Variants in RSF1 observed in about 807,000 individuals in gnomAD.
The protein encoded by RSF1 is remodeling and spacing factor 1.
A neutral mutation model predicts 145.2 loss-of-function variants in RSF1; 13 were observed. The ratio of observed to expected loss-of-function variants is 0.09; its 90% confidence interval spans 0.06 to 0.14. RSF1 has a LOEUF of 0.14. Ranked by LOEUF, RSF1 falls within the 10% of genes least tolerant of loss-of-function variation. The probability of loss-of-function intolerance (pLI) is 1.00; values close to 1 mark genes in which losing one functional copy is unlikely to be tolerated. For synonymous variants in RSF1, 577 were observed against 592.6 expected (o/e 0.97, Z 0.38); for missense variants, 1,517 against 1,718.2 (o/e 0.88, Z 2.07).
At position 77,662,844 on chromosome 11, in the gene RSF1, T is replaced by A. The variant is rs1959261952; in HGVS notation, c.*4073A>T. ...TTGGCATTCTCTGCTTCTTCGAGAA[T>A]GAGGAATATATTTTGAGAATGTCAA... On this transcript the variant is annotated 3_prime_UTR_variant, in exon 16 of 16. Transcript: ENST00000308488. 6.6e-6 allele frequency: 1 copy of A among 152,186 alleles called. No homozygotes were observed. The highest frequency in any genetic ancestry group is 6.6e-5 in the Admixed American group (1 of 15,266). The allele number at this position is 152,186 out of a possible 1,614,324, so 9.4% of individuals were successfully genotyped here.
chr11:77,699,780 C>T (rs1313935448), intron 6 of RSF1, among the ~76,000 whole-genome samples: 1 of 152,212 alleles, frequency 6.6e-6, no homozygotes, highest in Non-Finnish European at 1.5e-5. Flanking sequence ...GAAATACTCA[C>T]TCATGTCCAA....
chr11:77,707,440 G>T (rs1474266948), intron 5 of RSF1, among the ~76,000 whole-genome samples: 1 of 152,130 alleles, frequency 6.6e-6, no homozygotes, highest in African/African-American at 2.4e-5. Flanking sequence ...AGATGCTAAG[G>T]TATACTGCAT....
At chr11:77,756,845 G>A (rs1948121103) in intron 2 of RSF1, among the ~76,000 whole-genome samples, 1 of 152,166 alleles carries the variant, frequency 6.6e-6, no homozygotes, top group African/African-American at 2.4e-5. Flanking sequence ...TTTAAATATT[G>A]GAAGGGCAAA....
At chr11:77,863,760 C>T in the RSF1 span, among the ~76,000 whole-genome samples, 1 of 152,070 alleles carries the variant, frequency 6.6e-6, no homozygotes, top group Non-Finnish European at 1.5e-5. Flanking sequence ...AGCGACCCTC[C>T]TGCCTCAGCC....
chr11:77,724,700 G>A (rs1355737539), intron 5 of RSF1, among the ~76,000 whole-genome samples: 1 of 152,124 alleles, frequency 6.6e-6, no homozygotes, highest in Non-Finnish European at 1.5e-5. Context: ...TCATCAAGCA[G>A]TAGATTCTCA....
intron 15 of RSF1, among the ~76,000 whole-genome samples, chr11:77,667,735 G>A (rs1185972987): frequency 6.6e-6 from 1 of 151,852 alleles, no homozygotes; most frequent in Non-Finnish European, 1.5e-5. Context: ...ACAGAGTCTC[G>A]CACTGTTGCC....
At chr11:77,854,367 G>A in the RSF1 span, among the ~76,000 whole-genome samples, 2 of 152,198 alleles carry the variant, frequency 1.3e-5, no homozygotes, top group African/African-American at 4.8e-5. Flanking sequence ...TACAAGGCAA[G>A]TCTCTTCTGC....
At chr11:77,732,032 T>C (rs956845637) in intron 4 of RSF1, among the ~76,000 whole-genome samples, 1 of 152,192 alleles carries the variant, frequency 6.6e-6, no homozygotes, top group East Asian at 1.9e-4. Context: ...GCTTGCACCG[T>C]GTGCTTGGAA....
rs762997932 is a variant in RSF1, at chr11:77,701,432, G to A, written c.1797C>T (p.Asp599=). ...EKSKKTFLDK[D]AQRLSPIPEE... ...CTGGTATTGGACTCAATCTTTGTGC[G>A]TCCTTATCAAGAAAAGTCTTTTTGG... is the stretch of plus-strand genomic sequence containing the variant. The change falls in exon 6 of 16, where the codon GAC becomes GAT. Residue 599 remains aspartate, a synonymous_variant. Transcript: ENST00000308488. The A allele has an allele frequency of 2.4e-5, 39 of 1,613,946 alleles. No homozygotes were observed. The highest frequency in any genetic ancestry group is 1.6e-4 in the Middle Eastern group (1 of 6,084).
At chr11:77,736,183 G>GA (rs1565164580) in intron 4 of RSF1, among the ~76,000 whole-genome samples, 2 of 152,150 alleles carry the variant, frequency 1.3e-5, no homozygotes, top group African/African-American at 4.8e-5. Flanking sequence ...AATGTAAAAG[G>GA]AAAAACAAAC....
intron 1 of RSF1, among the ~76,000 whole-genome samples, chr11:77,769,980 A>G (rs1948265789): frequency 6.6e-6 from 1 of 151,942 alleles, no homozygotes; most frequent in Non-Finnish European, 1.5e-5. Context: ...GTTTTTAGAA[A>G]CTCTCTTGGG....
chr11:77,820,438 G>T, intron 1 of RSF1, 90 bp downstream of exon 1: 1 of 1,353,696 alleles, frequency 7.4e-7, no homozygotes, highest in Non-Finnish European at 9.9e-7. Flanking sequence ...GCGGAGGCCC[G>T]AGCCGCGAAG....
the RSF1 span, among the ~76,000 whole-genome samples, chr11:77,834,132 C>CAT: frequency 6.6e-6 from 1 of 152,136 alleles, no homozygotes; most frequent in Non-Finnish European, 1.5e-5. Flanking sequence ...CATGCAGATT[C>CAT]ATATATACTC....
intron 2 of RSF1, 34 bp from the exon 3 acceptor site, chr11:77,747,162 A>C: frequency 7.6e-7 from 1 of 1,314,114 alleles, no homozygotes; most frequent in Non-Finnish European, 1.1e-6. Context: ...AATACATGAA[A>C]GCAATTTTTA....
In RSF1 at chr11:77,693,531, T is replaced by C. The variant is rs747807106; in HGVS notation, c.2796A>G (p.Glu932=). ...CATGTTGGCAAGGTGGGCAGAACCA[T>C]TCTCCATCTGGGATGATCATCAGAG... is the stretch of plus-strand genomic sequence containing the variant. ...RPPLMIIPDG[E]WFCPPCQHKL... The change falls in exon 8 of 16, where the codon GAA becomes GAG. Residue 932 remains glutamate (E), a synonymous_variant. Coordinates refer to ENST00000308488, the MANE Select transcript of RSF1 (RefSeq NM_016578.4). The C allele has an allele frequency of 2.0e-5, 32 of 1,613,570 alleles. No homozygotes were observed. Among genetic ancestry groups the C allele is most frequent in the Non-Finnish European group, 2.6e-5 (31 of 1,179,670 alleles).
At chr11:77,857,855 C>T in the RSF1 span, among the ~76,000 whole-genome samples, 2 of 152,010 alleles carry the variant, frequency 1.3e-5, no homozygotes, top group Non-Finnish European at 2.9e-5. Context: ...CACCACCATG[C>T]CCTGCTAATT....
At chr11:77,714,894 T>TGGGAGGATTCCTTGAGGCC (rs1960770549) in intron 5 of RSF1, among the ~76,000 whole-genome samples, 1 of 151,696 alleles carries the variant, frequency 6.6e-6, no homozygotes, top group Non-Finnish European at 1.5e-5. Flanking sequence ...AAGGTTGAGG[T>TGGGAGGATTCCTTGAGGCC]GGGAGGATTC....
intron 15 of RSF1, among the ~76,000 whole-genome samples, chr11:77,667,955 G>A (rs998212491): frequency 6.6e-6 from 1 of 151,350 alleles, no homozygotes; most frequent in African/African-American, 2.4e-5. Context: ...CATCTGCCTT[G>A]GCCTCCCAAA....
At chr11:77,788,158 A>AAAAAAAAAAAAAAAAAAAAAAAAAG (rs1948477904) in intron 1 of RSF1, among the ~76,000 whole-genome samples, 1 of 132,680 alleles carries the variant, frequency 7.5e-6, no homozygotes, top group Non-Finnish European at 1.6e-5. Flanking sequence ...AAAAAAAAAA[A>AAAAAAAAAAAAAAAAAAAAAAAAAG]AAAAAAAAAA....
Sources: allele counts gnomAD v4.1 joint callset (sites outside exome capture counted in the v4.1 genomes callset), GRCh38; gene constraint gnomAD v4.1.1; transcripts MANE v1.5; gene names NCBI Gene and HGNC (gene_info 2026-07-23, HGNC 2026-07-21).